HEATR5B: variants seen among roughly 807,000 people sequenced by gnomAD.
The protein encoded by HEATR5B is HEAT repeat-containing protein 5B.
Under a neutral mutation model 224.1 loss-of-function variants are expected in HEATR5B, and 156 were observed. The observed-to-expected ratio is 0.70, with a 90% CI of 0.61 to 0.80. The LOEUF (loss-of-function observed/expected upper bound fraction) is 0.80, where lower values mean the gene tolerates loss of function less well. Ranked by LOEUF, HEATR5B falls within the 30% of genes least tolerant of loss-of-function variation. The pLI, the probability that HEATR5B is intolerant of heterozygous loss-of-function variation, is 0.00. For synonymous variants in HEATR5B, 1,027 were observed against 893.0 expected (o/e 1.15, Z -2.68); for missense variants, 2,323 against 2,535.5 (o/e 0.92, Z 1.80).
Position 37,040,408 on chromosome 2 carries a change from C to T in HEATR5B, c.2967G>A (p.Pro989=), listed in dbSNP as rs189702712. The T allele has an allele frequency of 1.3e-4, 203 of 1,613,924 alleles. No homozygotes were observed. In the Middle Eastern group the frequency reaches 2.3e-3, roughly 18 times the overall value. The stretch of plus-strand genomic sequence containing the variant: ...ACTGATGAACTTCTGTATGTGAAGG[C>T]GGAACTGTCAACAGCAAGGTAAGAA... ...SLVLTLLLTV[P]PSHTEVHQCL... The change falls in exon 20 of 36, where the codon CCG becomes CCA. Residue 989 remains proline (P), a synonymous_variant. Transcript: ENST00000233099.
intron 16 of HEATR5B, among the ~76,000 whole-genome samples, chr2:37,055,738 G>A (rs1206532180): frequency 6.6e-6 from 1 of 152,120 alleles, no homozygotes; most frequent in Non-Finnish European, 1.5e-5. Context: ...CGCTGGGATT[G>A]CAGACATAAG....
intron 12 of HEATR5B, among the ~76,000 whole-genome samples, chr2:37,059,460 A>ATC (rs1182337163): frequency 9.5e-6 from 1 of 105,210 alleles, no homozygotes; most frequent in Admixed American, 1.2e-4. Flanking sequence ...ATATATATAT[A>ATC]TATATTTTTT....
At position 37,062,020 on chromosome 2, in the gene HEATR5B, G is replaced by A. The variant is rs369632588; in HGVS notation, c.1615C>T (p.Arg539Ter). The part of the protein sequence containing the change: ...MVVSIAEDLL[R>*]TAAQNSRLSL... Reference sequence around the variant, plus strand: ...AGCCTGCTATTTTGGGCAGCAGTTCGTAAAAGATCTTCAGCAATACTAACT... The same window carrying A: ...AGCCTGCTATTTTGGGCAGCAGTTCATAAAAGATCTTCAGCAATACTAACT... Residue 539 changes from arginine to a stop codon, truncating the protein, a stop_gained, in exon 11 of 36, where the codon CGA (arginine) becomes TGA (stop). Coordinates refer to ENST00000233099, the MANE Select transcript of HEATR5B (RefSeq NM_019024.3). LOFTEE classifies it high-confidence loss of function. 3.1e-6 allele frequency: 5 copies of A among 1,613,206 alleles called. No individual in the cohort carries two copies. The highest frequency in any genetic ancestry group is 2.7e-5 in the African/African-American group (2 of 74,912).
Position 37,019,795 on chromosome 2 carries a change from A to AT in HEATR5B, c.4104+13dup. The AT allele has an allele frequency of 6.4e-7, 1 of 1,573,118 alleles. No homozygotes were observed. The highest frequency in any genetic ancestry group is 8.7e-7 in the Non-Finnish European group (1 of 1,145,112). On this transcript the variant is annotated intron_variant, in intron 26 of 35. Coordinates refer to ENST00000233099, the MANE Select transcript of HEATR5B (RefSeq NM_019024.3). ...ATAGAAGACAACTATACAAAGTCCC[A>AT]TTTTTCTTCTTACCTGGCAAGCTTT...
rs191369244 is a variant in HEATR5B, at chr2:37,057,268, C to A, written c.2223+49G>T. 152 of 1,385,562 alleles carry A rather than the reference C, an allele frequency of 1.1e-4. 2 individuals carry two copies. The East Asian group carries it at 3.6e-3, about 33-fold the overall frequency. 85.8% of individuals were successfully genotyped at this position (1,385,562 alleles called of 1,614,324 possible). On this transcript the variant is annotated intron_variant, in intron 15 of 35. Coordinates refer to ENST00000233099, the MANE Select transcript of HEATR5B (RefSeq NM_019024.3). ...TTTTAAGTGACAATGTGTAATAGGA[C>A]CATTGTTTCAGATTAAGTTAGTATT... is the stretch of plus-strand genomic sequence containing the variant.
At chr2:37,037,409 C>T (rs1669567000) in intron 21 of HEATR5B, among the ~76,000 whole-genome samples, 1 of 151,840 alleles carries the variant, frequency 6.6e-6, no homozygotes. Flanking sequence ...TCCCAAAGTG[C>T]TGGGATTACA....
chr2:37,056,720 CA>C (rs1670934884), intron 15 of HEATR5B, 105 bp from the exon 16 acceptor site: 5 of 913,476 alleles, frequency 5.5e-6, no homozygotes, highest in Non-Finnish European at 7.8e-6. Context: ...GAAAAGGCAA[CA>C]AAAAAAGAAT....
chr2:37,051,729 TTTC>T (rs1019298702), intron 17 of HEATR5B, among the ~76,000 whole-genome samples: 3 of 152,012 alleles, frequency 2.0e-5, no homozygotes, highest in African/African-American at 7.2e-5. Flanking sequence ...CAAACCTGTA[TTTC>T]TTCTTCTTTT....
chr2:37,074,350 G>T (rs539729512), intron 5 of HEATR5B, among the ~76,000 whole-genome samples: 1 of 148,646 alleles, frequency 6.7e-6, no homozygotes, highest in East Asian at 2.0e-4. Flanking sequence ...AATGGTACTG[G>T]AAGAAGTGGA....
chr2:37,046,211 A>C (rs973590172), intron 18 of HEATR5B, among the ~76,000 whole-genome samples: 2 of 152,266 alleles, frequency 1.3e-5, no homozygotes, highest in African/African-American at 4.8e-5. Context: ...ATTAGAAAAC[A>C]GAACAAAATA....
chr2:37,076,960 G>A lies in HEATR5B; in HGVS notation c.398C>T (p.Ala133Val). 6.2e-7 allele frequency: 1 copy of A among 1,614,088 alleles called. No individual in the cohort carries two copies. The highest frequency in any genetic ancestry group is 8.5e-7 in the Non-Finnish European group (1 of 1,179,978). ...YEKMGRMLGS[A>V]FPETVNNLLK... ...TAGATTATTTACCGTTTCTGGAAAT[G>A]CGCTGCCCAACATTCTCCCCATTTT... Residue 133 changes from alanine to valine, a missense_variant, in exon 4 of 36, where the codon GCA (alanine) becomes GTA (valine). Physicochemically the swap from Ala to Val is moderately conservative, Grantham distance 64. Around this residue, in one of 12 missense-constraint regions of HEATR5B, gnomAD observed 292 missense variants for 332.6 expected, o/e 0.88. Coordinates refer to ENST00000233099, the MANE Select transcript of HEATR5B (RefSeq NM_019024.3).
intron 2 of HEATR5B, among the ~76,000 whole-genome samples, chr2:37,081,915 T>C (rs1558389368): frequency 2.1e-4 from 1 of 4,828 alleles, no homozygotes; most frequent in East Asian, 0.17. Flanking sequence ...AAACCTAAAA[T>C]ACTAAGGTCA....
chr2:37,056,405 T>G, intron 16 of HEATR5B, 35 bp downstream of exon 16: 2 of 1,484,780 alleles, frequency 1.3e-6, no homozygotes, highest in Non-Finnish European at 1.8e-6. Flanking sequence ...ATAATATATA[T>G]TTAACAAAAA....
intron 33 of HEATR5B, among the ~76,000 whole-genome samples, chr2:36,998,934 G>C (rs1666902016): frequency 6.6e-6 from 1 of 151,952 alleles, no homozygotes; most frequent in African/African-American, 2.4e-5. Context: ...ATAATATCAG[G>C]CCGAGTGTGG....
At chr2:37,081,308 T>A (rs1322238475) in intron 2 of HEATR5B, among the ~76,000 whole-genome samples, 1 of 152,196 alleles carries the variant, frequency 6.6e-6, no homozygotes, top group African/African-American at 2.4e-5. Flanking sequence ...GCCATGTTGG[T>A]GTGCTGCACC....
chr2:37,030,474 C>G (rs1055313650), intron 22 of HEATR5B, among the ~76,000 whole-genome samples: 1 of 152,056 alleles, frequency 6.6e-6, no homozygotes, highest in African/African-American at 2.4e-5. Flanking sequence ...GGACAAATTC[C>G]TTAAAAGAAA....
Position 37,007,252 on chromosome 2 carries a change from C to A in HEATR5B, c.4575G>T (p.Arg1525=). The A allele has an allele frequency of 1.2e-6, 2 of 1,613,802 alleles. No individual in the cohort carries two copies. The highest frequency in any genetic ancestry group is 1.7e-6 in the Non-Finnish European group (2 of 1,179,992). Residue 1525 remains arginine (R), a synonymous_variant, in exon 29 of 36, where the codon CGG becomes CGT. Coordinates refer to ENST00000233099, the MANE Select transcript of HEATR5B (RefSeq NM_019024.3). The stretch of plus-strand genomic sequence containing the variant: ...CATGGAGAATTGGGGCCCAGGAATT[C>A]CGATAGTGAAGTCTAGCTGTATCAA... ...ETIDTARLHY[R]NSWAPILHAV...
Position 37,057,466 on chromosome 2 carries a change from G to A in HEATR5B, c.2074C>T (p.Leu692Phe). ...PKTYEGSFNALLRELVAEFTL... is the reference protein window; with the variant it reads ...PKTYEGSFNAFLRELVAEFTL... ...AATTCCGCTACCAGTTCTCTAAGAAGTGCATTAAAAGATCCTAAAAAACAG... is the reference window on the plus strand; with the variant it reads ...AATTCCGCTACCAGTTCTCTAAGAAATGCATTAAAAGATCCTAAAAAACAG... The change falls in exon 15 of 36, where the codon CTT (leucine) becomes TTT (phenylalanine). Residue 692 changes from leucine to phenylalanine, a missense_variant. By Grantham distance (22) the Leu-to-Phe change is conservative (BLOSUM62 0). Transcript: ENST00000233099. 6.2e-7 allele frequency: 1 copy of A among 1,604,328 alleles called. No homozygotes were observed. The highest frequency in any genetic ancestry group is 8.5e-7 in the Non-Finnish European group (1 of 1,176,648).
intron 17 of HEATR5B, among the ~76,000 whole-genome samples, chr2:37,051,177 G>A (rs1429226308): frequency 6.6e-6 from 1 of 152,042 alleles, no homozygotes; most frequent in Non-Finnish European, 1.5e-5. Flanking sequence ...CCAACATGGT[G>A]AAACCCCGTC....
Sources: allele counts gnomAD v4.1 joint callset (sites outside exome capture counted in the v4.1 genomes callset), GRCh38; gene constraint gnomAD v4.1.1; regional missense constraint gnomAD v4.1.1; transcripts MANE v1.5; gene names NCBI Gene and HGNC (gene_info 2026-07-23, HGNC 2026-07-21).